Variants in PTBP2 observed in about 807,000 individuals in gnomAD.
The protein encoded by PTBP2 is polypyrimidine tract binding protein 2, also known as polypyrimidine tract-binding protein 2.
In PTBP2, 13 loss-of-function variants were observed where a neutral mutation model predicts 61.4. The observed-to-expected ratio is 0.21, with a 90% confidence interval of 0.14 to 0.34. The LOEUF (loss-of-function observed/expected upper bound fraction) is 0.34, where lower values mean the gene tolerates loss of function less well. PTBP2 is among the 10% of genes least tolerant of loss of function. The pLI, the probability that PTBP2 is intolerant of heterozygous loss-of-function variation, is 1.00. For synonymous variants in PTBP2, 215 were observed against 218.5 expected (o/e 0.98, Z 0.14); for missense variants, 405 against 642.6 (o/e 0.63, Z 4.00).
chr1:96,762,031 T>A (rs972643338), intron 3 of PTBP2, among the ~76,000 whole-genome samples: 1 of 151,018 alleles, frequency 6.6e-6, no homozygotes, highest in African/African-American at 2.4e-5. Flanking sequence ...ACACAGCACA[T>A]GTTTCAGAGA....
chr1:96,791,166 TG>T (rs1557758402), intron 8 of PTBP2, among the ~76,000 whole-genome samples: 1 of 152,214 alleles, frequency 6.6e-6, no homozygotes, highest in East Asian at 1.9e-4. Context: ...AAAAATCTTT[TG>T]TGAAATGTGG....
At chr1:96,752,479 T>C (rs1384743111) in intron 3 of PTBP2, among the ~76,000 whole-genome samples, 2 of 152,066 alleles carry the variant, frequency 1.3e-5, no homozygotes, top group South Asian at 2.1e-4. Context: ...CTAAAAATTA[T>C]AAGGACTTAA....
At chr1:96,723,080 TCA>T in intron 1 of PTBP2, among the ~76,000 whole-genome samples, 1 of 152,294 alleles carries the variant, frequency 6.6e-6, no homozygotes, top group Admixed American at 6.5e-5. Flanking sequence ...TAACACAGTC[TCA>T]CAGAATTCAA....
At chr1:96,793,959 A>G (rs1660112517) in intron 8 of PTBP2, among the ~76,000 whole-genome samples, 2 of 152,312 alleles carry the variant, frequency 1.3e-5, no homozygotes, top group East Asian at 1.9e-4. Flanking sequence ...GCTTATTACT[A>G]TAGGACTATA....
intron 2 of PTBP2, among the ~76,000 whole-genome samples, chr1:96,736,903 C>T (rs1196660065): frequency 6.6e-6 from 1 of 151,976 alleles, no homozygotes; most frequent in Non-Finnish European, 1.5e-5. Context: ...TGGTCTCAAA[C>T]TCCTGGGCTC....
intron 2 of PTBP2, among the ~76,000 whole-genome samples, chr1:96,740,220 AC>A (rs1337546320): frequency 3.3e-5 from 5 of 152,204 alleles, no homozygotes; most frequent in African/African-American, 1.2e-4. Context: ...GACTTAAAAA[AC>A]AGAGATTCGT....
Position 96,813,493 on chromosome 1 carries a change from A to T in PTBP2, c.*88A>T. The T allele has an allele frequency of 3.2e-6, 4 of 1,262,282 alleles. No individual in the cohort carries two copies. Among genetic ancestry groups the T allele is most frequent in the African/African-American group, 3.2e-5 (2 of 62,914 alleles). 78.2% of individuals were successfully genotyped at this position (1,262,282 alleles called of 1,614,324 possible). A position where few individuals can be genotyped will look rare whatever the true frequency, so the allele number is the denominator to read the frequency against. On this transcript the variant is annotated 3_prime_UTR_variant, in exon 14 of 14. Transcript: ENST00000674951. ...TCAGAAAAGTGGGGACCAGAGTTTG[A>T]TTTTTTTTGTTTTTGTTTTTTTGGG...
intron 8 of PTBP2, among the ~76,000 whole-genome samples, chr1:96,803,844 G>A (rs1242912915): frequency 6.6e-6 from 1 of 152,146 alleles, no homozygotes; most frequent in East Asian, 1.9e-4. Flanking sequence ...TTGGGTGTTT[G>A]TTCCTTTATG....
At chr1:96,726,071 T>A (rs1426668098) in intron 2 of PTBP2, among the ~76,000 whole-genome samples, 4 of 47,292 alleles carry the variant, frequency 8.5e-5, no homozygotes, top group South Asian at 2.3e-3. Flanking sequence ...ACAGACTCTA[T>A]CTCAAAAAAA....
At chr1:96,798,063 G>A (rs1294183605) in intron 8 of PTBP2, among the ~76,000 whole-genome samples, 10 of 149,450 alleles carry the variant, frequency 6.7e-5, no homozygotes, top group South Asian at 6.4e-4. Flanking sequence ...GCGACAGAGC[G>A]AGACTCTGTC....
At chr1:96,802,693 A>G (rs1038162456) in intron 8 of PTBP2, among the ~76,000 whole-genome samples, 14 of 152,252 alleles carry the variant, frequency 9.2e-5, no homozygotes, top group African/African-American at 3.1e-4. Context: ...GCCATATTGA[A>G]GTTGGTGGTT....
At chr1:96,808,363 C>T (rs116703394) in intron 11 of PTBP2, among the ~76,000 whole-genome samples, 4,677 of 152,166 alleles carry the variant, frequency 0.031, 125 homozygotes, top group Admixed American at 0.063. Flanking sequence ...TGAGGTCTCT[C>T]TTGGCTTGCA....
chr1:96,739,297 T>G (rs1652656872), intron 2 of PTBP2, among the ~76,000 whole-genome samples: 1 of 152,204 alleles, frequency 6.6e-6, no homozygotes, highest in African/African-American at 2.4e-5. Flanking sequence ...ATAAATCTTT[T>G]TAATTGTACA....
intron 3 of PTBP2, among the ~76,000 whole-genome samples, chr1:96,758,663 C>G (rs1254967101): frequency 6.6e-6 from 1 of 152,000 alleles, no homozygotes; most frequent in African/African-American, 2.4e-5. Flanking sequence ...AGAGAAGGAG[C>G]TTTTACAATG....
Position 96,813,049 on chromosome 1 carries a change from A to G in PTBP2, c.1409A>G (p.Asp470Gly). The stretch of plus-strand genomic sequence containing the variant: ...CCTAGTCCATCAGTAGCAGAAGAGG[A>G]TCTACGAACACTGTTCGCTAACACT... ...SNIPPSVAEEDLRTLFANTGG... is the reference protein window; with the variant it reads ...SNIPPSVAEEGLRTLFANTGG... Residue 470 changes from aspartate to glycine, a missense_variant, in exon 13 of 14, where the codon GAT (aspartate) becomes GGT (glycine). By Grantham distance (94) the Asp-to-Gly change is moderately conservative. Around this residue, in one of 4 missense-constraint regions of PTBP2, gnomAD observed 24 missense variants for 27.7 expected, o/e 0.87. Transcript: ENST00000674951. 1 of 1,613,308 alleles carries G rather than the reference A, an allele frequency of 6.2e-7. No homozygotes were observed. Among genetic ancestry groups the G allele is most frequent in the Non-Finnish European group, 8.5e-7 (1 of 1,179,422 alleles).
chr1:96,788,459 G>A (rs998023486), intron 8 of PTBP2, among the ~76,000 whole-genome samples: 2 of 151,882 alleles, frequency 1.3e-5, no homozygotes, highest in Admixed American at 6.6e-5. Flanking sequence ...CATTGTTTAT[G>A]GTGATATCCA....
At chr1:96,762,438 C>CG (rs1467068137) in intron 3 of PTBP2, among the ~76,000 whole-genome samples, 58 of 146,762 alleles carry the variant, frequency 4.0e-4, no homozygotes, top group African/African-American at 1.2e-3. Flanking sequence ...GCTGGCCGGG[C>CG]GGGGGGCTGA....
At chr1:96,810,507 A>G (rs1661971826) in intron 11 of PTBP2, among the ~76,000 whole-genome samples, 1 of 152,134 alleles carries the variant, frequency 6.6e-6, no homozygotes, top group Admixed American at 6.5e-5. Flanking sequence ...TTACCTGGCT[A>G]CTTCCTGAGG....
chr1:96,731,555 C>T (rs1159822488), intron 2 of PTBP2, among the ~76,000 whole-genome samples: 1 of 152,036 alleles, frequency 6.6e-6, no homozygotes, highest in Non-Finnish European at 1.5e-5. Context: ...TTAGCCTCAG[C>T]TTCTTCACCT....
Sources: allele counts gnomAD v4.1 joint callset (sites outside exome capture counted in the v4.1 genomes callset), GRCh38; gene constraint gnomAD v4.1.1; regional missense constraint gnomAD v4.1.1; transcripts MANE v1.5; gene names NCBI Gene and HGNC (gene_info 2026-07-23, HGNC 2026-07-21).